The following KCNC4 variants were observed in gnomAD, a reference collection of about 807,000 sequenced individuals.
KCNC4 encodes potassium voltage-gated channel subfamily C member 4.
A neutral mutation model predicts 42.8 loss-of-function variants in KCNC4; 23 were observed. The ratio of observed to expected loss-of-function variants is 0.54; its 90% CI spans 0.39 to 0.76. KCNC4 has a LOEUF of 0.76. Ranked by LOEUF, KCNC4 falls within the 30% of genes least tolerant of loss-of-function variation. KCNC4 has a pLI of 0.00. For missense variants in KCNC4, 751 were observed against 898.2 expected (o/e 0.84, Z 2.10); for synonymous variants, 422 against 393.5 (o/e 1.07, Z -0.86).
chr1:110,248,739 G>T (rs993329488), exon 4 of KCNC4: 7 of 152,110 alleles, frequency 4.6e-5, no homozygotes, highest in African/African-American at 1.7e-4. Flanking sequence ...ACATATCTCT[G>T]TCTCCTGTTC....
downstream of KCNC4, chr1:110,235,335 C>A (rs949172338): frequency 6.6e-6 from 1 of 152,200 alleles, no homozygotes; most frequent in Admixed American, 6.5e-5. Flanking sequence ...CTGTGGCCCC[C>A]CTAGACAGGA....
rs1194519276 is a variant in KCNC4 at position 110,223,065 on chromosome 1, C to G, written c.780C>G (p.Ile260Met). 6.2e-7 allele frequency: 1 copy of G among 1,614,080 alleles called. No homozygotes were observed. The highest frequency in any genetic ancestry group is 1.3e-5 in the African/African-American group (1 of 74,932). ...ATATCGACCGCAACGTGACAGAGAT[C>G]CTCCGCGTAGGGAACATCACCAGCG... ...AFNIDRNVTE[I>M]LRVGNITSVH... Residue 260 changes from isoleucine (I) to methionine (M), a missense_variant, in exon 2 of 4, where the codon ATC (isoleucine) becomes ATG (methionine). By Grantham distance (10) the Ile-to-Met change is conservative. Transcript: ENST00000438661. This position sits in a 1 kb window ranked among gnomAD's most constrained non-coding sequence, Gnocchi z 7.5.
At chr1:110,242,696 C>A (rs937703755) in exon 4 of KCNC4, 1 of 152,236 alleles carries the variant, frequency 6.6e-6, no homozygotes. Context: ...TAATAGCTAA[C>A]GTGGATTGAG....
intron 1 of KCNC4, chr1:110,219,757 C>T (rs954497216): frequency 2.0e-5 from 3 of 152,172 alleles, no homozygotes; most frequent in Non-Finnish European, 2.9e-5. Flanking sequence ...ACAGTGGATA[C>T]ACAGTGTGGA....
In KCNC4 at chr1:110,258,935, C is replaced by G. The variant is rs1659380686; in HGVS notation, n.31-23599C>G. Among the ~76,000 whole-genome samples, 3 of 152,210 alleles carry G rather than the reference C, an allele frequency of 2.0e-5. 1 individual carries two copies. Among genetic ancestry groups the G allele is most frequent in the African/African-American group, 7.2e-5 (3 of 41,470 alleles). On this transcript the variant is annotated intron_variant and non_coding_transcript_variant, in intron 1 of 2. Coordinates refer to the KCNC4 transcript ENST00000412512. ...CCTCCCACACAAGGTCTTCTCCACG[C>G]TGAAATCCAATGCCCTCAGGGGCTT...
intron 1 of KCNC4, among the ~76,000 whole-genome samples, chr1:110,257,413 CAA>C (rs869271653): frequency 1.0e-4 from 14 of 136,320 alleles, no homozygotes; most frequent in Admixed American, 1.5e-4. Context: ...TCCCCTGCCG[CAA>C]AAAAAAAAAA....
At chr1:110,246,576 T>A (rs778055623) in exon 4 of KCNC4, 4 of 152,284 alleles carry the variant, frequency 2.6e-5, no homozygotes, top group Non-Finnish European at 4.4e-5. Flanking sequence ...AGCCTCTCTT[T>A]TGGGCCTCAG....
rs538746828 is a variant in KCNC4, at chr1:110,255,226, A to G, written n.31-27308A>G. Among the ~76,000 whole-genome samples, 13 of 152,312 alleles carry G rather than the reference A, an allele frequency of 8.5e-5. No individual in the cohort carries two copies. In the East Asian group the frequency reaches 2.5e-3, roughly 29 times the overall value. Reference sequence around the variant, plus strand: ...CAAATGCCTAGATCGTCGGAGTTGGACAAACAAGTTCCCTAGAGCTCTGCA... The same window carrying G: ...CAAATGCCTAGATCGTCGGAGTTGGGCAAACAAGTTCCCTAGAGCTCTGCA... On this transcript the variant is annotated intron_variant and non_coding_transcript_variant, in intron 1 of 2. Coordinates refer to the KCNC4 transcript ENST00000412512.
At chr1:110,271,802 G>A (rs919281216) in intron 1 of KCNC4, among the ~76,000 whole-genome samples, 1 of 152,236 alleles carries the variant, frequency 6.6e-6, no homozygotes, top group East Asian at 1.9e-4. Flanking sequence ...TGTCCCCATC[G>A]CATGCTTTGG....
chr1:110,235,458 G>A (rs1214959761), downstream of KCNC4: 1 of 152,264 alleles, frequency 6.6e-6, no homozygotes, highest in African/African-American at 2.4e-5. Flanking sequence ...CGGCCAAAGT[G>A]GCTGTTTTTT....
exon 4 of KCNC4, chr1:110,241,058 T>G (rs1315058906): frequency 1.3e-5 from 2 of 152,362 alleles, no homozygotes; most frequent in Non-Finnish European, 2.9e-5. Flanking sequence ...GGCGGGATGT[T>G]GAGGGCAGCA....
At chr1:110,214,165 A>G (rs1657655524) in intron 1 of KCNC4, among the ~76,000 whole-genome samples, 1 of 152,234 alleles carries the variant, frequency 6.6e-6, no homozygotes, top group African/African-American at 2.4e-5. Context: ...ATGGAATCAC[A>G]TCAGCCCAGG....
intron 3 of KCNC4, among the ~76,000 whole-genome samples, chr1:110,229,934 T>G (rs1478672860): frequency 6.6e-6 from 1 of 152,152 alleles, no homozygotes; most frequent in African/African-American, 2.4e-5. Context: ...AATGACTAAG[T>G]AAGGTCCAGA....
chr1:110,230,426 A>G (rs546779767), intron 3 of KCNC4, among the ~76,000 whole-genome samples: 2 of 152,322 alleles, frequency 1.3e-5, no homozygotes, highest in East Asian at 1.9e-4. Context: ...CAGGGACACA[A>G]CGAGCCGGGT....
chr1:110,283,893 G>C (rs1484291934), downstream of KCNC4, among the ~76,000 whole-genome samples: 1 of 152,178 alleles, frequency 6.6e-6, no homozygotes, highest in East Asian at 1.9e-4. Context: ...GACTTCATAT[G>C]CTATTTCAGG....
rs370035918 is a variant in KCNC4 at position 110,223,830 on chromosome 1, C to T, written c.1545C>T (p.Pro515=). The T allele has an allele frequency of 1.1e-5, 18 of 1,612,902 alleles. No individual in the cohort carries two copies. The highest frequency in any genetic ancestry group is 8.5e-7 in the Non-Finnish European group (1 of 1,179,246). The change falls in exon 2 of 4, where the codon CCC becomes CCT. Residue 515 remains proline (P), a synonymous_variant. Coordinates refer to ENST00000438661, the MANE Select transcript of KCNC4 (RefSeq NM_001039574.3). The surrounding 1 kb of genome is among the most constrained non-coding windows in gnomAD (Gnocchi z 7.5). ...PMYCKSEETS[P]RDSTCSDTSP... ...ACTGCAAGTCTGAGGAGACTTCCCCCCGGGACAGCACCTGCAGTGATACCA... is the reference window on the plus strand; with the variant it reads ...ACTGCAAGTCTGAGGAGACTTCCCCTCGGGACAGCACCTGCAGTGATACCA...
chr1:110,213,866 G>GAGAGAT (rs909719601), intron 1 of KCNC4, among the ~76,000 whole-genome samples: 1 of 152,068 alleles, frequency 6.6e-6, no homozygotes, highest in East Asian at 1.9e-4. Flanking sequence ...GGTCGGGGAG[G>GAGAGAT]AGAGATAGAG....
downstream of KCNC4, among the ~76,000 whole-genome samples, chr1:110,283,750 T>C (rs1284270689): frequency 6.6e-6 from 1 of 152,226 alleles, no homozygotes. Context: ...GTCTTTTCTA[T>C]GAATTGTTAA....
At chr1:110,276,597 C>T (rs1046653275) in intron 1 of KCNC4, among the ~76,000 whole-genome samples, 5 of 152,190 alleles carry the variant, frequency 3.3e-5, no homozygotes, top group African/African-American at 9.7e-5. Flanking sequence ...CTGTGCCCCA[C>T]ATTCTGCCTC....
Sources: gnomAD v4.1 joint callset for allele counts (sites outside exome capture counted in the v4.1 genomes callset) on GRCh38, gnomAD v4.1.1 for gene constraint, Gnocchi (gnomAD v3.1) non-coding constraint, MANE v1.5 for transcripts, NCBI Gene and HGNC (gene_info 2026-07-23, HGNC 2026-07-21) for gene names.